Variants in SEL1L observed in about 807,000 individuals in gnomAD.
SEL1L encodes SEL1L adaptor subunit of SYVN1 ubiquitin ligase, also known as protein sel-1 homolog 1.
SEL1L carries 52 observed loss-of-function variants against 109.8 expected under a neutral mutation model. That is an observed-to-expected ratio of 0.47 (90% CI 0.38 to 0.60). The LOEUF is 0.60. Ranked by LOEUF, SEL1L falls within the 20% of genes least tolerant of loss-of-function variation. SEL1L has a pLI of 0.00. For synonymous variants in SEL1L, 373 were observed against 339.6 expected, an observed-to-expected ratio of 1.10 and a Z score of -1.08; for missense variants, 749 against 962.2, an observed-to-expected ratio of 0.78 and a Z score of 2.93.
chr14:81,482,094 T>C (rs1450250842), intron 19 of SEL1L, among the ~76,000 whole-genome samples: 1 of 151,980 alleles, frequency 6.6e-6, no homozygotes, highest in Non-Finnish European at 1.5e-5. Context: ...TTTTCATAAA[T>C]GATTATTTAT....
At chr14:81,521,223 A>G (rs1435268967) in intron 3 of SEL1L, among the ~76,000 whole-genome samples, 1 of 152,210 alleles carries the variant, frequency 6.6e-6, no homozygotes, top group African/African-American at 2.4e-5. Context: ...AAAATTTAGC[A>G]ATGCAGATCA....
chr14:81,525,291 G>A (rs946239813), intron 3 of SEL1L, among the ~76,000 whole-genome samples: 2 of 152,022 alleles, frequency 1.3e-5, no homozygotes, highest in African/African-American at 4.8e-5. Context: ...TCTCATGCCT[G>A]TAATCCCAGC....
chr14:81,533,799 C>A lies in SEL1L; in HGVS notation c.-55G>T, dbSNP rs1885434151. ...GAGCTGTCGCCTTCGCCTCTGCCAC[C>A]ACGGACTCAGCCACCACCGCCGCCT... On this transcript the variant is annotated 5_prime_UTR_variant, in exon 1 of 21. Transcript: ENST00000336735. 1.9e-6 allele frequency: 3 copies of A among 1,554,106 alleles called. No individual in the cohort carries two copies. The highest frequency in any genetic ancestry group is 2.6e-6 in the Non-Finnish European group (3 of 1,136,328).
chr14:81,511,607 A>T (rs1884478925), intron 3 of SEL1L, among the ~76,000 whole-genome samples: 1 of 152,246 alleles, frequency 6.6e-6, no homozygotes, highest in African/African-American at 2.4e-5. Flanking sequence ...TTTTCATGAA[A>T]GTCAGGACCT....
intron 12 of SEL1L, among the ~76,000 whole-genome samples, chr14:81,490,815 T>G (rs1382007991): frequency 6.6e-6 from 1 of 152,182 alleles, no homozygotes; most frequent in Non-Finnish European, 1.5e-5. Context: ...GCAGCAGAAT[T>G]GCTTGGGCCC....
chr14:81,498,215 C>G (rs112281983), intron 9 of SEL1L, 169 bp from the exon 10 acceptor site: 1 of 851,754 alleles, frequency 1.2e-6, no homozygotes, highest in Non-Finnish European at 1.7e-6. Flanking sequence ...ATAAATTGAA[C>G]TTTTTTCACA....
In SEL1L at chr14:81,524,611, C is replaced by G. The variant is rs546947541; in HGVS notation, c.340+2122G>C. 2.2e-4 allele frequency among the ~76,000 whole-genome samples: 34 copies of G among 152,346 alleles called. No homozygotes were observed. The South Asian group carries it at 6.8e-3, about 31-fold the overall frequency. On this transcript the variant is annotated intron_variant, in intron 3 of 20. Coordinates refer to ENST00000336735, the MANE Select transcript of SEL1L (RefSeq NM_005065.6). ...GAGGGGCTGGGTGCGGTGGCTCACG[C>G]CTGTAATCCCAGCACTGTGGGAGGC... is the stretch of plus-strand genomic sequence containing the variant.
chr14:81,484,184 C>A, intron 19 of SEL1L, 41 bp downstream of exon 19: 2 of 1,552,736 alleles, frequency 1.3e-6, no homozygotes, highest in South Asian at 2.4e-5. Flanking sequence ...TTTCCCCAAT[C>A]ACAATTATGT....
chr14:81,531,321 C>T (rs372626281), intron 1 of SEL1L, among the ~76,000 whole-genome samples: 149 of 152,312 alleles, frequency 9.8e-4, no homozygotes, highest in African/African-American at 3.4e-3. Flanking sequence ...TACTAGCTAA[C>T]AGCTATCAAC....
chr14:81,480,182 T>TG, intron 19 of SEL1L, among the ~76,000 whole-genome samples: 1 of 152,160 alleles, frequency 6.6e-6, no homozygotes, highest in Non-Finnish European at 1.5e-5. Flanking sequence ...ACAGGCACGG[T>TG]GGCTCATTCT....
chr14:81,480,119 T>C (rs896924918), intron 19 of SEL1L, among the ~76,000 whole-genome samples: 2 of 152,190 alleles, frequency 1.3e-5, no homozygotes, highest in Non-Finnish European at 2.9e-5. Flanking sequence ...GTTTCAGTTC[T>C]GGACAGTGAT....
intron 3 of SEL1L, among the ~76,000 whole-genome samples, chr14:81,510,635 A>G (rs1248869264): frequency 2.6e-5 from 4 of 152,082 alleles, no homozygotes; most frequent in East Asian, 3.9e-4. Context: ...ACAGATAAAC[A>G]TAATTTAGCT....
chr14:81,491,274 G>A (rs558973556), intron 12 of SEL1L, among the ~76,000 whole-genome samples: 88 of 152,278 alleles, frequency 5.8e-4, no homozygotes, highest in African/African-American at 2.0e-3. Context: ...TACTTGAAGA[G>A]GGTTTAAACA....
chr14:81,527,630 T>C (rs1885164037), intron 2 of SEL1L, 71 bp downstream of exon 2: 1 of 1,149,992 alleles, frequency 8.7e-7, no homozygotes, highest in East Asian at 2.6e-5. Flanking sequence ...CCTCATATCC[T>C]TTCTAAGATA....
chr14:81,496,864 C>T (rs1163206842), intron 10 of SEL1L, among the ~76,000 whole-genome samples: 1 of 152,200 alleles, frequency 6.6e-6, no homozygotes, highest in East Asian at 1.9e-4. Flanking sequence ...ACACAGAATA[C>T]TCTGAGATCT....
At chr14:81,533,643 T>C (rs745908882) in intron 1 of SEL1L, 32 bp downstream of exon 1, 10 of 1,602,636 alleles carry the variant, frequency 6.2e-6, no homozygotes, top group Non-Finnish European at 7.7e-6. Flanking sequence ...GCGGAGGCTC[T>C]GGGCCTTCAG....
In SEL1L at chr14:81,492,563, T is replaced by G. The variant is rs752620109; in HGVS notation, c.1186-15A>C. 1.3e-6 allele frequency: 2 copies of G among 1,542,180 alleles called. No individual in the cohort carries two copies. Among genetic ancestry groups the G allele is most frequent in the Non-Finnish European group, 1.8e-6 (2 of 1,130,020 alleles). The stretch of plus-strand genomic sequence containing the variant: ...TCAAATGCTCTCTATGAGAAAAGAA[T>G]TTATTAAAATAATTAGTTTTTAACA... On this transcript the variant is annotated splice_polypyrimidine_tract_variant and intron_variant, in intron 11 of 20. Transcript: ENST00000336735.
intron 3 of SEL1L, among the ~76,000 whole-genome samples, chr14:81,518,658 C>CT (rs1444935252): frequency 1.1e-5 from 1 of 87,764 alleles, no homozygotes; most frequent in African/African-American, 8.2e-5. Flanking sequence ...GAGACTTCGT[C>CT]TAAAAAAAAA....
intron 3 of SEL1L, among the ~76,000 whole-genome samples, chr14:81,509,164 T>C (rs1402167332): frequency 6.6e-6 from 1 of 152,216 alleles, no homozygotes; most frequent in Non-Finnish European, 1.5e-5. Flanking sequence ...AAGTTACTGA[T>C]TGGAACTCTC....
Sources: gnomAD v4.1 joint callset for allele counts (sites outside exome capture counted in the v4.1 genomes callset) on GRCh38, gnomAD v4.1.1 for gene constraint, MANE v1.5 for transcripts, NCBI Gene and HGNC (gene_info 2026-07-23, HGNC 2026-07-21) for gene names.